Variants in MMP26 observed in about 807,000 individuals in gnomAD.
MMP26 encodes the protein matrix metalloproteinase-26.
A neutral mutation model predicts 31.0 loss-of-function variants in MMP26; 33 were observed. The observed-to-expected ratio is 1.06, with a 90% confidence interval of 0.81 to 1.42. The LOEUF (loss-of-function observed/expected upper bound fraction) is 1.42, where lower values mean the gene tolerates loss of function less well. MMP26 is among the 40% of genes most tolerant of loss of function. The pLI is 0.00. For missense variants in MMP26, 347 were observed against 316.1 expected, an observed-to-expected ratio of 1.10 and a Z score of -0.74; for synonymous variants, 122 against 114.9, an observed-to-expected ratio of 1.06 and a Z score of -0.40.
chr11:4,720,237 A>T (rs1847991998), intron 1 of MMP26, among the ~76,000 whole-genome samples: 1 of 152,202 alleles, frequency 6.6e-6, no homozygotes, highest in South Asian at 2.1e-4. Flanking sequence ...GCTTAATTCA[A>T]CTCCAATCTG....
At chr11:4,976,737 G>C (rs936957502) in intron 2 of MMP26, among the ~76,000 whole-genome samples, 2 of 151,960 alleles carry the variant, frequency 1.3e-5, no homozygotes, top group African/African-American at 4.8e-5. Flanking sequence ...AATAAGAGTG[G>C]ACTCAAACAG....
At chr11:4,710,181 G>A (rs1338572610) in intron 1 of MMP26, 1 of 456,656 alleles carries the variant, frequency 2.2e-6, no homozygotes, top group Non-Finnish European at 4.4e-6. Flanking sequence ...CCTGGCCATT[G>A]TTATCTCTAC....
chr11:4,880,315 A>G lies in MMP26; in HGVS notation c.-144-107753A>G, dbSNP rs140343763. Among the ~76,000 whole-genome samples the G allele has an allele frequency of 5.2e-3, 784 of 152,208 alleles. 8 individuals carry two copies. Among genetic ancestry groups the G allele is most frequent in the African/African-American group, 0.016 (675 of 41,538 alleles). ...AGACGGGAGTGCAAACGTGGAGAAA[A>G]AAACTGAAGTGGGGCAGGGGGAGTT... On this transcript the variant is annotated intron_variant, in intron 2 of 7. Coordinates refer to ENST00000380390, the MANE Select transcript of MMP26 (RefSeq NM_021801.5).
At chr11:4,750,484 A>C (rs1848434341) in intron 1 of MMP26, among the ~76,000 whole-genome samples, 2 of 152,096 alleles carry the variant, frequency 1.3e-5, no homozygotes, top group Admixed American at 1.3e-4. Flanking sequence ...TGTTTATCAC[A>C]GTACTCTTCA....
chr11:4,965,454 T>A (rs914682280), intron 2 of MMP26, among the ~76,000 whole-genome samples: 2 of 152,178 alleles, frequency 1.3e-5, no homozygotes, highest in African/African-American at 2.4e-5. Context: ...CTTATGAAAA[T>A]TTTTAAGAAG....
intron 2 of MMP26, chr11:4,907,761 G>T (rs1299266524): frequency 1.2e-6 from 2 of 1,614,012 alleles, no homozygotes; most frequent in Non-Finnish European, 1.7e-6. Flanking sequence ...AATCCCTTAA[G>T]ATACAGTTCT....
intron 2 of MMP26, among the ~76,000 whole-genome samples, chr11:4,911,051 A>G (rs1589936410): frequency 6.6e-6 from 1 of 152,186 alleles, no homozygotes; most frequent in Non-Finnish European, 1.5e-5. Flanking sequence ...GAGGTACTCA[A>G]TAGATATTGG....
At position 4,987,707 on chromosome 11, in the gene MMP26, G is replaced by T. The variant is rs751940646; in HGVS notation, c.-144-361G>T. On this transcript the variant is annotated intron_variant, in intron 2 of 7. Transcript: ENST00000380390. ...GCTGGGATTACAGGCGTGAGCCATC[G>T]TGCCAGGCCAGGTCTTGGAGATTTT... 2.0e-5 allele frequency among the ~76,000 whole-genome samples: 3 copies of T among 152,206 alleles called. No homozygotes were observed. The East Asian group carries it at 5.8e-4, about 30-fold the overall frequency.
chr11:4,934,088 C>A (rs974303622), intron 2 of MMP26, among the ~76,000 whole-genome samples: 1 of 120,880 alleles, frequency 8.3e-6, no homozygotes, highest in African/African-American at 3.1e-5. Flanking sequence ...GCTATATACC[C>A]AGTAATGGGA....
chr11:4,706,366 C>T (rs1048176984), intron 1 of MMP26, among the ~76,000 whole-genome samples: 25 of 151,686 alleles, frequency 1.6e-4, no homozygotes, highest in Admixed American at 3.9e-4. Context: ...TCAAGACCAG[C>T]CTGGGCAACA....
rs926909590 is a variant in MMP26 at position 4,788,585 on chromosome 11, A to AT, written c.-145+21253dup. On this transcript the variant is annotated intron_variant, in intron 2 of 7. Coordinates refer to ENST00000380390, the MANE Select transcript of MMP26 (RefSeq NM_021801.5). ...TGCATAAGTATCCAAAGAAGCATTA[A>AT]TTTTTTTTTAACATTTGATACAGTC... Among the ~76,000 whole-genome samples, 11 of 151,714 alleles carry AT rather than the reference A, an allele frequency of 7.3e-5. No homozygotes were observed. The East Asian group carries it at 1.6e-3, about 21-fold the overall frequency.
Position 4,949,229 on chromosome 11 carries a change from C to T in MMP26, c.-144-38839C>T, listed in dbSNP as rs184613579. Among the ~76,000 whole-genome samples, 360 of 122,150 alleles carry T rather than the reference C, an allele frequency of 2.9e-3. 104 individuals are homozygous for T. In the Admixed American group the frequency reaches 0.033, roughly 11 times the overall value. 80.1% of individuals were successfully genotyped at this position (122,150 alleles called of 152,430 possible). ...CTTTATTATTATTTTTCCCATTGTG[C>T]TACGTTTGCTATGAAATAAAAATAT... On this transcript the variant is annotated intron_variant, in intron 2 of 7. Coordinates refer to ENST00000380390, the MANE Select transcript of MMP26 (RefSeq NM_021801.5).
intron 2 of MMP26, chr11:4,769,345 A>G (rs12788102): frequency 0.11 from 182,747 of 1,612,344 alleles, 11,677 homozygotes; most frequent in Middle Eastern, 0.13. Flanking sequence ...GAATGTCTGA[A>G]CATGCTAATT....
intron 1 of MMP26, among the ~76,000 whole-genome samples, chr11:4,719,752 C>T (rs1435312468): frequency 6.6e-6 from 1 of 152,114 alleles, no homozygotes; most frequent in Non-Finnish European, 1.5e-5. Flanking sequence ...CCATTCTTTT[C>T]CTTTGATAGT....
At chr11:4,735,674 A>G (rs1053596097) in intron 1 of MMP26, among the ~76,000 whole-genome samples, 43 of 152,208 alleles carry the variant, frequency 2.8e-4, no homozygotes, top group African/African-American at 9.9e-4. Context: ...ACTCTGTAAT[A>G]TTGTTTAGCA....
chr11:4,754,965 C>T (rs1033061646), intron 1 of MMP26, among the ~76,000 whole-genome samples: 1 of 151,946 alleles, frequency 6.6e-6, no homozygotes, highest in Non-Finnish European at 1.5e-5. Flanking sequence ...TGATTAATAG[C>T]TCTATGGTAG....
intron 2 of MMP26, chr11:4,875,302 G>A (rs564604697): frequency 3.3e-5 from 5 of 152,182 alleles, no homozygotes; most frequent in African/African-American, 9.6e-5. Flanking sequence ...TTTCTGAAAA[G>A]GGACTAAAGC....
intron 1 of MMP26, among the ~76,000 whole-genome samples, chr11:4,741,483 A>G (rs1389831870): frequency 1.3e-5 from 2 of 152,200 alleles, no homozygotes; most frequent in Non-Finnish European, 2.9e-5. Context: ...AAGGAATGAG[A>G]TCATGTCCTT....
chr11:4,741,946 T>C (rs11033656), intron 1 of MMP26, among the ~76,000 whole-genome samples: 2,676 of 152,302 alleles, frequency 0.018, 32 homozygotes, highest in East Asian at 0.059. Flanking sequence ...GGTTGAATGT[T>C]GCTTTACTGG....
Sources: allele counts gnomAD v4.1 joint callset (sites outside exome capture counted in the v4.1 genomes callset), GRCh38; gene constraint gnomAD v4.1.1; transcripts MANE v1.5; gene names NCBI Gene and HGNC (gene_info 2026-07-23, HGNC 2026-07-21).